TAFA4: variants seen among roughly 807,000 people sequenced by gnomAD.
TAFA4 encodes the protein TAFA chemokine like family member 4.
In TAFA4, 20 loss-of-function variants were observed where a neutral mutation model predicts 21.1. The ratio of observed to expected loss-of-function variants is 0.95; its 90% CI spans 0.67 to 1.38. The LOEUF (loss-of-function observed/expected upper bound fraction) is 1.38. Ranked by LOEUF, TAFA4 falls within the 40% of genes most tolerant of loss-of-function variation. The pLI, the probability that TAFA4 is intolerant of heterozygous loss-of-function variation, is 0.00. For missense variants in TAFA4, 211 were observed against 180.9 expected (o/e 1.17, Z -0.95); for synonymous variants, 71 against 67.4 (o/e 1.05, Z -0.26).
At chr3:68,826,501 A>C (rs1412970382) in intron 3 of TAFA4, among the ~76,000 whole-genome samples, 1 of 148,122 alleles carries the variant, frequency 6.8e-6, no homozygotes, top group Non-Finnish European at 1.5e-5. Context: ...TGAACCCGGG[A>C]GGCAGAGCTT....
intron 3 of TAFA4, among the ~76,000 whole-genome samples, chr3:68,804,627 A>C (rs1361039680): frequency 6.6e-6 from 1 of 152,232 alleles, no homozygotes; most frequent in Non-Finnish European, 1.5e-5. Context: ...GGAAGAGAAC[A>C]GAGGCCTCAG....
intron 3 of TAFA4, among the ~76,000 whole-genome samples, chr3:68,840,348 A>G (rs1015774660): frequency 1.3e-5 from 2 of 152,096 alleles, no homozygotes; most frequent in African/African-American, 4.8e-5. Flanking sequence ...AACTGGGACC[A>G]CAGGCATGTG....
intron 1 of TAFA4, among the ~76,000 whole-genome samples, chr3:68,917,085 T>A (rs531769176): frequency 6.6e-6 from 1 of 152,178 alleles, no homozygotes; most frequent in Non-Finnish European, 1.5e-5. Context: ...CCATTTTGTA[T>A]AGATGGACCA....
rs1485496033 is a variant in TAFA4 at position 68,851,295 on chromosome 3, T to C, written c.130+29435A>G. Among the ~76,000 whole-genome samples the C allele has an allele frequency of 2.6e-5, 4 of 151,890 alleles. No homozygotes were observed. The East Asian group carries it at 5.8e-4, about 22-fold the overall frequency. ...ATAAGTGGGAGCTAAACAATGAAATTACATGGACATAGGGAGGGGAACAAC... is the reference window on the plus strand; with the variant it reads ...ATAAGTGGGAGCTAAACAATGAAATCACATGGACATAGGGAGGGGAACAAC... On this transcript the variant is annotated intron_variant, in intron 3 of 5. Transcript: ENST00000295569.
intron 3 of TAFA4, among the ~76,000 whole-genome samples, chr3:68,817,116 A>T (rs1340855836): frequency 4.1e-4 from 62 of 152,334 alleles, no homozygotes. Flanking sequence ...AACTTTCAAA[A>T]CTGAAGTCAA....
chr3:68,830,533 T>G (rs558981879), intron 3 of TAFA4, among the ~76,000 whole-genome samples: 1 of 152,354 alleles, frequency 6.6e-6, no homozygotes, highest in Admixed American at 6.5e-5. Flanking sequence ...TCTAATTTGA[T>G]TGCACTGTGG....
At chr3:68,911,798 C>T (rs1307196591) in intron 1 of TAFA4, among the ~76,000 whole-genome samples, 1 of 152,170 alleles carries the variant, frequency 6.6e-6, no homozygotes, top group Non-Finnish European at 1.5e-5. Context: ...GGTGTGCATA[C>T]GTTTGGGTGT....
At chr3:68,872,982 A>C (rs2089501108) in intron 3 of TAFA4, among the ~76,000 whole-genome samples, 1 of 152,146 alleles carries the variant, frequency 6.6e-6, no homozygotes, top group South Asian at 2.1e-4. Context: ...ATATATTTAC[A>C]CCATTTATTT....
intron 1 of TAFA4, 66 bp downstream of exon 1, chr3:68,932,174 T>C (rs1301202019): frequency 6.6e-6 from 1 of 151,948 alleles, no homozygotes; most frequent in African/African-American, 2.4e-5. Context: ...AGCACCTAAA[T>C]ACAGGGTCCA....
chr3:68,846,231 C>G (rs1319854815), intron 3 of TAFA4, among the ~76,000 whole-genome samples: 1 of 151,938 alleles, frequency 6.6e-6, no homozygotes, highest in Non-Finnish European at 1.5e-5. Flanking sequence ...TCTTTTTCCT[C>G]TAATCTTGTC....
chr3:68,743,106 A>G (rs1702387739), intron 4 of TAFA4, among the ~76,000 whole-genome samples: 1 of 152,228 alleles, frequency 6.6e-6, no homozygotes, highest in East Asian at 1.9e-4. Context: ...ATCTAGTGAT[A>G]TCCATCAAAA....
At chr3:68,847,371 C>A (rs963600677) in intron 3 of TAFA4, among the ~76,000 whole-genome samples, 1 of 152,232 alleles carries the variant, frequency 6.6e-6, no homozygotes. Flanking sequence ...CCTCCTGCCA[C>A]CAGGCTTGAG....
At chr3:68,795,001 T>TACACAC (rs3048125) in intron 3 of TAFA4, among the ~76,000 whole-genome samples, 33,422 of 143,770 alleles carry the variant, frequency 0.23, 3,855 homozygotes, top group Middle Eastern at 0.29. Context: ...TGTGTCTCAA[T>TACACAC]ACACACACAC....
At chr3:68,835,994 T>C (rs1325851650) in intron 3 of TAFA4, among the ~76,000 whole-genome samples, 1 of 152,238 alleles carries the variant, frequency 6.6e-6, no homozygotes, top group East Asian at 1.9e-4. Context: ...AATTACAGTG[T>C]ATTTTCTCAT....
At position 68,887,631 on chromosome 3, in the gene TAFA4, C is replaced by T. The variant is rs190703223; in HGVS notation, c.-122-2321G>A. Among the ~76,000 whole-genome samples, 7 of 152,228 alleles carry T rather than the reference C, an allele frequency of 4.6e-5. No homozygotes were observed. In the East Asian group the frequency reaches 1.4e-3, roughly 29 times the overall value. The stretch of plus-strand genomic sequence containing the variant: ...ACTCTGAACTTCCACAGGATCAGTA[C>T]CATGTGGACACCATCAAGGCATACC... On this transcript the variant is annotated intron_variant, in intron 1 of 5. Coordinates refer to ENST00000295569, the MANE Select transcript of TAFA4 (RefSeq NM_182522.5).
chr3:68,776,621 C>T, intron 3 of TAFA4, among the ~76,000 whole-genome samples: 1 of 152,150 alleles, frequency 6.6e-6, no homozygotes, highest in East Asian at 1.9e-4. Context: ...TTAACACCAC[C>T]ACCATCAATC....
At chr3:68,830,368 A>G (rs897866657) in intron 3 of TAFA4, among the ~76,000 whole-genome samples, 19 of 152,218 alleles carry the variant, frequency 1.2e-4, no homozygotes, top group African/African-American at 4.6e-4. Flanking sequence ...AATGTGTTCC[A>G]GAGATTCTGG....
At chr3:68,903,400 T>A (rs2089863199) in intron 1 of TAFA4, among the ~76,000 whole-genome samples, 1 of 152,238 alleles carries the variant, frequency 6.6e-6, no homozygotes, top group Non-Finnish European at 1.5e-5. Flanking sequence ...GCAGTTCCTA[T>A]GACTTGGCCG....
At chr3:68,734,285 G>C (rs547010705) in intron 5 of TAFA4, among the ~76,000 whole-genome samples, 1 of 152,278 alleles carries the variant, frequency 6.6e-6, no homozygotes, top group South Asian at 2.1e-4. Flanking sequence ...AGCAGGCCAA[G>C]GGCTGGATTT....
Sources: allele counts gnomAD v4.1 joint callset (sites outside exome capture counted in the v4.1 genomes callset), GRCh38; gene constraint gnomAD v4.1.1; transcripts MANE v1.5; gene names NCBI Gene and HGNC (gene_info 2026-07-23, HGNC 2026-07-21).